Variants in CDK13 observed in about 807,000 individuals in gnomAD.
The protein encoded by CDK13 is cyclin dependent kinase 13.
Under a neutral mutation model 137.6 loss-of-function variants are expected in CDK13, and 40 were observed. The observed-to-expected ratio is 0.29, with a 90% CI of 0.23 to 0.38. CDK13 has a LOEUF of 0.38. Ranked by LOEUF, CDK13 falls within the 10% of genes least tolerant of loss-of-function variation. The pLI is 1.00. For missense variants in CDK13, 1,704 were observed against 1,951.8 expected (o/e 0.87, Z 2.39); for synonymous variants, 869 against 760.1 (o/e 1.14, Z -2.36).
At chr7:39,980,569 G>A (rs1784202209) in intron 1 of CDK13, among the ~76,000 whole-genome samples, 3 of 152,160 alleles carry the variant, frequency 2.0e-5, no homozygotes, top group South Asian at 2.1e-4. Flanking sequence ...GCTGCTATTA[G>A]CATGAGAAAT....
chr7:40,088,070 G>A, intron 11 of CDK13, 56 bp from the exon 12 acceptor site: 2 of 1,455,394 alleles, frequency 1.4e-6, no homozygotes, highest in South Asian at 2.4e-5. Context: ...TATAGTAACT[G>A]TAGCATTTTT....
At chr7:39,958,947 T>G (rs891663877) in intron 1 of CDK13, among the ~76,000 whole-genome samples, 9 of 151,750 alleles carry the variant, frequency 5.9e-5, no homozygotes, top group Non-Finnish European at 5.9e-5. Context: ...CCATTATTGG[T>G]TTTTTTTGTT....
At chr7:39,953,499 T>C (rs961627083) in intron 1 of CDK13, among the ~76,000 whole-genome samples, 2 of 152,228 alleles carry the variant, frequency 1.3e-5, no homozygotes, top group Admixed American at 6.5e-5. Context: ...AGATCCTTTA[T>C]TGTATAATAG....
rs1348451344 is a variant in CDK13 at position 39,950,555 on chromosome 7, C to T, written c.-87C>T. The T allele has an allele frequency of 2.4e-6, 3 of 1,274,236 alleles. No individual in the cohort carries two copies. The highest frequency in any genetic ancestry group is 1.5e-5 in the African/African-American group (1 of 64,558). The allele number at this position is 1,274,236 out of a possible 1,614,324, so 78.9% of individuals were successfully genotyped here. A position where few individuals can be genotyped will look rare whatever the true frequency, so the allele number is the denominator to read the frequency against. On this transcript the variant is annotated 5_prime_UTR_variant, in exon 1 of 14. Coordinates refer to ENST00000181839, the MANE Select transcript of CDK13 (RefSeq NM_003718.5). ...CTGGTGCTCGGTGTCCCTCCGCCGC[C>T]GCTCCCGTTTCCGGCGGGGGAGATG... is the stretch of plus-strand genomic sequence containing the variant.
intron 2 of CDK13, among the ~76,000 whole-genome samples, chr7:39,991,859 C>T (rs965431194): frequency 6.6e-6 from 1 of 151,926 alleles, no homozygotes; most frequent in African/African-American, 2.4e-5. Context: ...TGAGAGGAGC[C>T]TCGGCAACAT....
At chr7:40,077,841 G>C (rs377189469) in intron 9 of CDK13, among the ~76,000 whole-genome samples, 164 bp from the exon 10 acceptor site, 1 of 152,304 alleles carries the variant, frequency 6.6e-6, no homozygotes, top group Non-Finnish European at 1.5e-5. Context: ...GGGTGACAGA[G>C]TGAGACTCTG....
At chr7:40,035,408 G>C (rs1055780371) in intron 5 of CDK13, among the ~76,000 whole-genome samples, 1 of 152,076 alleles carries the variant, frequency 6.6e-6, no homozygotes, top group Non-Finnish European at 1.5e-5. Flanking sequence ...AGGTGAGCGA[G>C]TGAAGCTTCA....
At chr7:40,082,166 C>A (rs1020098047) in intron 11 of CDK13, among the ~76,000 whole-genome samples, 1 of 152,030 alleles carries the variant, frequency 6.6e-6, no homozygotes, top group Non-Finnish European at 1.5e-5. Context: ...GGAACTCCTT[C>A]GACATTATGT....
Position 39,988,213 on chromosome 7 carries a change from C to T in CDK13, c.1826C>T (p.Pro609Leu), listed in dbSNP as rs200341630. The stretch of plus-strand genomic sequence containing the variant: ...GCTTTAGTCACCTCTACATTACCAC[C>T]GTTACCTTTGCCTCCCATGCTGCCT... ...HVALVTSTLP[P>L]LPLPPMLPED... Residue 609 changes from proline (P) to leucine (L), a missense_variant, in exon 2 of 14, where the codon CCG becomes CTG. Physicochemically the swap from Pro to Leu is moderately conservative, Grantham distance 98. This residue lies in a region of CDK13 where 1,051 missense variants were observed against 931.0 expected (regional missense o/e 1.13). Transcript: ENST00000181839. 109 of 1,611,800 alleles carry T rather than the reference C, an allele frequency of 6.8e-5. 2 individuals are homozygous for T. The South Asian group carries it at 1.1e-3, about 16-fold the overall frequency.
chr7:40,082,486 CAAAAAAAAAAAAAA>C (rs70996879), intron 11 of CDK13, among the ~76,000 whole-genome samples: 100 of 74,890 alleles, frequency 1.3e-3, no homozygotes, highest in African/African-American at 2.7e-3. Context: ...ACTCCATTTC[CAAAAAAAAAAAAAA>C]AAAAAAAAAA....
In CDK13 at chr7:40,094,670, T is replaced by C; in HGVS notation, c.4229T>C (p.Ile1410Thr). ...FPSSVAGYGD[I>T]YLNAGPMLFS... is the part of the protein sequence containing the mutation. ...AGTTCAGTAGCTGGATATGGAGACA[T>C]TTACCTCAATGCTGGTCCCATGTTG... The change falls in exon 14 of 14, where the codon ATT becomes ACT. Residue 1410 changes from isoleucine to threonine, a missense_variant. Physicochemically the swap from Ile to Thr is moderately conservative, Grantham distance 89 (BLOSUM62 -1). Coordinates refer to ENST00000181839, the MANE Select transcript of CDK13 (RefSeq NM_003718.5). The C allele has an allele frequency of 1.2e-6, 2 of 1,614,176 alleles. No homozygotes were observed. The highest frequency in any genetic ancestry group is 1.1e-5 in the South Asian group (1 of 91,078).
At chr7:40,040,191 T>C (rs988238916) in intron 5 of CDK13, among the ~76,000 whole-genome samples, 2 of 152,158 alleles carry the variant, frequency 1.3e-5, no homozygotes, top group African/African-American at 4.8e-5. Flanking sequence ...TTTTGTAATT[T>C]TGTAGATTCA....
intron 7 of CDK13, among the ~76,000 whole-genome samples, chr7:40,050,465 C>T (rs1276752582): frequency 1.3e-5 from 2 of 152,204 alleles, no homozygotes; most frequent in Admixed American, 1.3e-4. Flanking sequence ...GATCTCAGCT[C>T]ACTGCAACCT....
intron 6 of CDK13, 52 bp downstream of exon 6, chr7:40,046,077 T>G: frequency 1.8e-6 from 2 of 1,126,482 alleles, no homozygotes. Context: ...CATGGACATG[T>G]ACATGGAGAG....
chr7:39,966,530 T>G (rs568465577), intron 1 of CDK13, among the ~76,000 whole-genome samples: 1 of 152,310 alleles, frequency 6.6e-6, no homozygotes, highest in African/African-American at 2.4e-5. Flanking sequence ...TTCAAGGTTT[T>G]TAACTTCTTT....
At chr7:40,052,976 TAA>T (rs2150521006) in intron 7 of CDK13, among the ~76,000 whole-genome samples, 1 of 152,230 alleles carries the variant, frequency 6.6e-6, no homozygotes, top group South Asian at 2.1e-4. Context: ...AAATTACTAA[TAA>T]CAGATGAATG....
In CDK13 at chr7:39,983,081, T is replaced by G. The variant is rs1279476939; in HGVS notation, c.1212-4518T>G. Among the ~76,000 whole-genome samples, 3 of 152,218 alleles carry G rather than the reference T, an allele frequency of 2.0e-5. No homozygotes were observed. In the East Asian group the frequency reaches 5.8e-4, roughly 29 times the overall value. On this transcript the variant is annotated intron_variant, in intron 1 of 13. Transcript: ENST00000181839. ...ATTGCTTTTGGTGTTTTATTAGACA[T>G]GAAGTCCTTGCCCATGCCTATGTCC...
chr7:40,073,138 A>C (rs1353631197), intron 9 of CDK13: 1 of 152,174 alleles, frequency 6.6e-6, no homozygotes, highest in Non-Finnish European at 1.5e-5. Context: ...AAATAAAGTT[A>C]CCCAATATTG....
intron 1 of CDK13, among the ~76,000 whole-genome samples, chr7:39,976,920 G>A (rs529678763): frequency 2.0e-5 from 3 of 152,258 alleles, no homozygotes; most frequent in Non-Finnish European, 4.4e-5. Context: ...GGGCTGTGGA[G>A]TGATACAACA....
Sources: gnomAD v4.1 joint callset for allele counts (sites outside exome capture counted in the v4.1 genomes callset) on GRCh38, gnomAD v4.1.1 for gene constraint, gnomAD v4.1.1 regional missense constraint, MANE v1.5 for transcripts, NCBI Gene and HGNC (gene_info 2026-07-23, HGNC 2026-07-21) for gene names.